The following KCNJ10 variants were observed in gnomAD, a reference collection of about 807,000 sequenced individuals.
The protein encoded by KCNJ10 is ATP-sensitive inward rectifier potassium channel 10.
A neutral mutation model predicts 22.2 loss-of-function variants in KCNJ10; 9 were observed. The ratio of observed to expected loss-of-function variants is 0.40; its 90% CI spans 0.24 to 0.71. The LOEUF (loss-of-function observed/expected upper bound fraction) is 0.71, where lower values mean the gene tolerates loss of function less well. Ranked by LOEUF, KCNJ10 falls within the 30% of genes least tolerant of loss-of-function variation. KCNJ10 has a pLI of 0.35. For missense variants in KCNJ10, 337 were observed against 482.7 expected (o/e 0.70, Z 2.83); for synonymous variants, 184 against 187.3 (o/e 0.98, Z 0.15).
At chr1:160,069,005 C>T (rs1649389868) in intron 1 of KCNJ10, among the ~76,000 whole-genome samples, 1 of 152,232 alleles carries the variant, frequency 6.6e-6, no homozygotes, top group African/African-American at 2.4e-5. Flanking sequence ...CAAGAGCAGA[C>T]TGGCCAGACA....
chr1:160,047,381 C>T (rs1282815065), intron 1 of KCNJ10, among the ~76,000 whole-genome samples: 1 of 152,210 alleles, frequency 6.6e-6, no homozygotes, highest in Non-Finnish European at 1.5e-5. Flanking sequence ...AGAAAAGCTG[C>T]ACCAGCAGGG....
chr1:160,068,463 C>A (rs1012879614), intron 1 of KCNJ10, among the ~76,000 whole-genome samples: 3 of 152,128 alleles, frequency 2.0e-5, no homozygotes, highest in African/African-American at 7.2e-5. Context: ...AACACCCTCT[C>A]CCTCCCTTCC....
rs372156619 is a variant in KCNJ10 at position 160,042,228 on chromosome 1, G to C, written c.305C>G (p.Pro102Arg). The change falls in exon 2 of 2, where the codon CCG (proline) becomes CGG (arginine). Residue 102 changes from proline to arginine, a missense_variant. This residue lies in a region of KCNJ10 where 107 missense variants were observed against 135.2 expected (regional missense o/e 0.79). Coordinates refer to ENST00000644903, the MANE Select transcript of KCNJ10 (RefSeq NM_002241.5). ...AHGDLLELDP[P>R]ANHTPCVVQV... The stretch of plus-strand genomic sequence containing the variant: ...TACCACACAGGGGGTGTGGTTGGCC[G>C]GGGGGTCCAGCTCCAGCAGGTCCCC... 1 of 1,612,424 alleles carries C rather than the reference G, an allele frequency of 6.2e-7. No individual in the cohort carries two copies. The highest frequency in any genetic ancestry group is 8.5e-7 in the Non-Finnish European group (1 of 1,178,766).
chr1:160,043,890 G>A (rs1366772467), intron 1 of KCNJ10, among the ~76,000 whole-genome samples: 2 of 152,220 alleles, frequency 1.3e-5, no homozygotes, highest in Non-Finnish European at 1.5e-5. Flanking sequence ...TGAGCCCTTG[G>A]ACCCTGGATC....
In KCNJ10 at chr1:160,041,513, A is replaced by C. The variant is rs756827951; in HGVS notation, c.1020T>G (p.Ser340Arg). The stretch of plus-strand genomic sequence containing the variant: ...AGCGTACAGTGCTGTCACGGAGGCC[A>C]CTAGGAGAGGCCACTTTCACAACTT... ...FDQVVKVASP[S>R]GLRDSTVRYG... The change falls in exon 2 of 2, where the codon AGT becomes AGG. Residue 340 changes from serine to arginine, a missense_variant. Physicochemically the swap from Ser to Arg is moderately radical, Grantham distance 110 (BLOSUM62 -1). Coordinates refer to ENST00000644903, the MANE Select transcript of KCNJ10 (RefSeq NM_002241.5). The surrounding 1 kb of genome is among the most constrained non-coding windows in gnomAD (Gnocchi z 4.4). 1.3e-5 allele frequency: 21 copies of C among 1,614,012 alleles called. No individual in the cohort carries two copies. Among genetic ancestry groups the C allele is most frequent in the Non-Finnish European group, 1.7e-5 (20 of 1,179,986 alleles).
At chr1:160,062,925 T>C (rs1416701970) in intron 1 of KCNJ10, among the ~76,000 whole-genome samples, 1 of 152,106 alleles carries the variant, frequency 6.6e-6, no homozygotes, top group African/African-American at 2.4e-5. Flanking sequence ...AAGAAGCTAC[T>C]ACAGGGGAAG....
intron 1 of KCNJ10, among the ~76,000 whole-genome samples, chr1:160,049,753 A>T (rs1368674045): frequency 7.2e-6 from 1 of 138,496 alleles, no homozygotes; most frequent in Non-Finnish European, 1.5e-5. Flanking sequence ...TGTATGACAC[A>T]TAGTAAGTGC....
rs1571264607 is a variant in KCNJ10, at chr1:160,040,301, T to C, written c.*1092A>G. 1 of 370,862 alleles carries C rather than the reference T, an allele frequency of 2.7e-6. No homozygotes were observed. The highest frequency in any genetic ancestry group is 2.1e-5 in the African/African-American group (1 of 48,018). 23.0% of individuals were successfully genotyped at this position (370,862 alleles called of 1,614,324 possible). The stretch of plus-strand genomic sequence containing the variant: ...AATCTGAGAATTTACCCATCCCTCA[T>C]GGTGGGATTGTGTTAACTTTCTGGG... On this transcript the variant is annotated 3_prime_UTR_variant, in exon 2 of 2. Transcript: ENST00000644903.
rs1447688099 is a variant in KCNJ10 at position 160,039,853 on chromosome 1, C to T, written c.*1540G>A. ...CCACTATGTGAGGCTTCCTTGGTACCAAAGTGAGACCAGAAAGCACTCTAG... is the reference window on the plus strand; with the variant it reads ...CCACTATGTGAGGCTTCCTTGGTACTAAAGTGAGACCAGAAAGCACTCTAG... On this transcript the variant is annotated 3_prime_UTR_variant, in exon 2 of 2. Coordinates refer to ENST00000644903, the MANE Select transcript of KCNJ10 (RefSeq NM_002241.5). 1 of 152,208 alleles carries T rather than the reference C, an allele frequency of 6.6e-6. No individual in the cohort carries two copies. Among genetic ancestry groups the T allele is most frequent in the East Asian group, 1.9e-4 (1 of 5,194 alleles). 9.4% of individuals were successfully genotyped at this position (152,208 alleles called of 1,614,324 possible). A position where few individuals can be genotyped will look rare whatever the true frequency, so the allele number is the denominator to read the frequency against.
chr1:160,065,562 A>G (rs1649304916), intron 1 of KCNJ10, among the ~76,000 whole-genome samples: 1 of 152,140 alleles, frequency 6.6e-6, no homozygotes, highest in African/African-American at 2.4e-5. Context: ...GGGAAACAGG[A>G]GAATAGAGAT....
At chr1:160,043,284 C>T (rs1235423860) in intron 1 of KCNJ10, among the ~76,000 whole-genome samples, 13 of 144,176 alleles carry the variant, frequency 9.0e-5, no homozygotes, top group African/African-American at 3.7e-4. Flanking sequence ...CACACACACA[C>T]ACACACACAC....
At chr1:160,053,918 G>A (rs1277917130) in intron 1 of KCNJ10, among the ~76,000 whole-genome samples, 2 of 152,146 alleles carry the variant, frequency 1.3e-5, no homozygotes, top group Non-Finnish European at 2.9e-5. Context: ...GACAAAAGAT[G>A]GGGCCACATC....
intron 1 of KCNJ10, chr1:160,065,047 C>G (rs1335519385): frequency 6.6e-6 from 1 of 151,964 alleles, no homozygotes; most frequent in Non-Finnish European, 1.5e-5. Context: ...GGGAGAAAGG[C>G]TCTCTGGGGC....
At chr1:160,050,899 C>T (rs900340757) in intron 1 of KCNJ10, among the ~76,000 whole-genome samples, 1 of 152,102 alleles carries the variant, frequency 6.6e-6, no homozygotes, top group Non-Finnish European at 1.5e-5. Flanking sequence ...GGTACAGAGC[C>T]TTGGCTTCCT....
intron 1 of KCNJ10, among the ~76,000 whole-genome samples, 169 bp from the exon 2 acceptor site, chr1:160,042,701 C>A (rs1473194848): frequency 6.6e-6 from 1 of 152,196 alleles, no homozygotes; most frequent in African/African-American, 2.4e-5. Context: ...TGTGCAGGGG[C>A]CGAGGCGGGT....
At chr1:160,068,839 G>A (rs1649386806) in intron 1 of KCNJ10, among the ~76,000 whole-genome samples, 1 of 152,104 alleles carries the variant, frequency 6.6e-6, no homozygotes, top group Non-Finnish European at 1.5e-5. Context: ...ACCCCTCCTG[G>A]GGCTAATTTC....
At chr1:160,068,636 G>C (rs1341156033) in intron 1 of KCNJ10, among the ~76,000 whole-genome samples, 1 of 152,158 alleles carries the variant, frequency 6.6e-6, no homozygotes, top group African/African-American at 2.4e-5. Flanking sequence ...TGAAGAACCA[G>C]CTATGAGTCA....
In KCNJ10 at chr1:160,042,183, C is replaced by T; in HGVS notation, c.350G>A (p.Gly117Glu). Residue 117 changes from glycine to glutamate, a missense_variant, in exon 2 of 2, where the codon GGA (glycine) becomes GAA (glutamate). Gly to Glu is a moderately conservative substitution (Grantham distance 98). Around this residue, in one of 3 missense-constraint regions of KCNJ10, gnomAD observed 165 missense variants for 281.5 expected, o/e 0.59. Transcript: ENST00000644903. Reference protein sequence around the residue: ...PCVVQVHTLTGAFLFSLESQT... With the variant: ...PCVVQVHTLTEAFLFSLESQT... ...GGATTCAAGGGAGAAGAGGAAGGCT[C>T]CAGTGAGTGTGTGCACCTGTACCAC... 6.2e-7 allele frequency: 1 copy of T among 1,602,860 alleles called. No homozygotes were observed. Among genetic ancestry groups the T allele is most frequent in the Non-Finnish European group, 8.5e-7 (1 of 1,172,684 alleles).
intron 1 of KCNJ10, chr1:160,068,088 G>A (rs958902348): frequency 2.0e-5 from 3 of 152,452 alleles, no homozygotes; most frequent in East Asian, 3.9e-4. Flanking sequence ...TGGGGCACAC[G>A]GAGGAGGTAG....
Sources: gnomAD v4.1 joint callset for allele counts (sites outside exome capture counted in the v4.1 genomes callset) on GRCh38, gnomAD v4.1.1 for gene constraint, gnomAD v4.1.1 regional missense constraint, Gnocchi (gnomAD v3.1) non-coding constraint, MANE v1.5 for transcripts, NCBI Gene and HGNC (gene_info 2026-07-23, HGNC 2026-07-21) for gene names.